Variants in GNAQ observed in about 807,000 individuals in gnomAD.
GNAQ encodes G protein subunit alpha q.
Under a neutral mutation model 43.9 loss-of-function variants are expected in GNAQ, and 8 were observed. The observed-to-expected ratio is 0.18, with a 90% CI of 0.11 to 0.33. GNAQ has a LOEUF of 0.33. Ranked by LOEUF, GNAQ falls within the 10% of genes least tolerant of loss-of-function variation. GNAQ has a pLI of 1.00. For missense variants in GNAQ, 158 were observed against 450.8 expected (o/e 0.35, Z 5.88); for synonymous variants, 155 against 170.7 (o/e 0.91, Z 0.71).
intron 1 of GNAQ, among the ~76,000 whole-genome samples, chr9:77,925,737 T>G (rs951969073): frequency 3.3e-5 from 5 of 152,160 alleles, no homozygotes; most frequent in Admixed American, 3.3e-4. Flanking sequence ...AGTAGGAAAT[T>G]AAGGTATTAT....
intron 5 of GNAQ, among the ~76,000 whole-genome samples, chr9:77,772,859 T>G (rs1187584292): frequency 2.0e-5 from 3 of 152,176 alleles, no homozygotes; most frequent in Non-Finnish European, 2.9e-5. Flanking sequence ...GAAGGAACTG[T>G]CTTGGGCCAC....
chr9:77,982,949 A>G (rs764089799), intron 1 of GNAQ, among the ~76,000 whole-genome samples: 1 of 152,216 alleles, frequency 6.6e-6, no homozygotes, highest in African/African-American at 2.4e-5. Context: ...AAGTATAATA[A>G]TAAAAAAATA....
chr9:77,922,458 G>T, intron 1 of GNAQ, 113 bp from the exon 2 acceptor site: 5 of 691,646 alleles, frequency 7.2e-6, no homozygotes, highest in Non-Finnish European at 1.2e-5. Flanking sequence ...CTGCTGAGAG[G>T]AGCGACTCTA....
intron 1 of GNAQ, among the ~76,000 whole-genome samples, chr9:77,950,572 A>T (rs754923940): frequency 6.6e-6 from 1 of 152,246 alleles, no homozygotes. Context: ...ATAAACAAGC[A>T]AATGTTTACA....
intron 2 of GNAQ, among the ~76,000 whole-genome samples, chr9:77,885,157 A>G (rs1828282103): frequency 6.6e-6 from 1 of 152,182 alleles, no homozygotes; most frequent in Non-Finnish European, 1.5e-5. Context: ...AACCAGAGGT[A>G]AGGGCAATGA....
rs549993036 is a variant in GNAQ at position 77,833,987 on chromosome 9, G to C, written c.322-18217C>G. 1.4e-4 allele frequency among the ~76,000 whole-genome samples: 22 copies of C among 152,062 alleles called. 1 individual carries two copies. In the South Asian group the frequency reaches 4.4e-3, roughly 30 times the overall value. On this transcript the variant is annotated intron_variant, in intron 2 of 6. Transcript: ENST00000286548. ...AAAATGGTGGGTTTTTTTTAACATA[G>C]AGAAAAAATGTTTTAAATATGTAAT...
intron 2 of GNAQ, among the ~76,000 whole-genome samples, chr9:77,838,882 G>A (rs1178693242): frequency 6.6e-6 from 1 of 151,952 alleles, no homozygotes; most frequent in African/African-American, 2.4e-5. Context: ...CAATTCTGAA[G>A]AGAAGATGAT....
At chr9:78,002,644 C>T (rs1024594284) in intron 1 of GNAQ, among the ~76,000 whole-genome samples, 1 of 152,170 alleles carries the variant, frequency 6.6e-6, no homozygotes, top group Non-Finnish European at 1.5e-5. Flanking sequence ...ACAATCTTAC[C>T]CGCAGGTAAA....
intron 4 of GNAQ, among the ~76,000 whole-genome samples, chr9:77,795,545 G>A (rs1826643848): frequency 6.6e-6 from 1 of 152,148 alleles, no homozygotes; most frequent in African/African-American, 2.4e-5. Context: ...TGCTCCTGGT[G>A]TTTTCCTGCC....
intron 2 of GNAQ, among the ~76,000 whole-genome samples, chr9:77,898,345 T>A (rs184738516): frequency 1.3e-3 from 196 of 152,350 alleles, no homozygotes; most frequent in African/African-American, 4.5e-3. Context: ...ATAAATATCA[T>A]CTTTAGTTAA....
chr9:77,727,458 A>T (rs992263114), intron 6 of GNAQ, among the ~76,000 whole-genome samples: 4 of 152,208 alleles, frequency 2.6e-5, no homozygotes, highest in African/African-American at 7.2e-5. Flanking sequence ...AGGATTTCAC[A>T]GTCTAGTTGG....
chr9:77,980,253 GC>G (rs1303687049), intron 1 of GNAQ, among the ~76,000 whole-genome samples: 2 of 152,196 alleles, frequency 1.3e-5, no homozygotes, highest in Admixed American at 6.5e-5. Flanking sequence ...AAAAAGCATA[GC>G]CCCTGGTGCT....
In GNAQ at chr9:77,976,220, T is replaced by C. The variant is rs575681214; in HGVS notation, c.137-53875A>G. 1.6e-3 allele frequency among the ~76,000 whole-genome samples: 242 copies of C among 152,308 alleles called. 1 individual carries two copies. The highest frequency in any genetic ancestry group is 5.2e-3 in the African/African-American group (216 of 41,564). The stretch of plus-strand genomic sequence containing the variant: ...ATCTTTAAATGCTTTTAGAAAAAGG[T>C]AGAACACAAAGTAAAGTGCCCAGTA... On this transcript the variant is annotated intron_variant, in intron 1 of 6. Transcript: ENST00000286548.
intron 2 of GNAQ, among the ~76,000 whole-genome samples, chr9:77,873,392 A>G (rs1450958136): frequency 6.6e-6 from 1 of 152,190 alleles, no homozygotes; most frequent in Non-Finnish European, 1.5e-5. Context: ...AAAAATGCCT[A>G]TTTGTTTTAT....
intron 1 of GNAQ, among the ~76,000 whole-genome samples, chr9:78,021,293 T>C (rs1244198006): frequency 1.3e-5 from 2 of 152,170 alleles, no homozygotes; most frequent in African/African-American, 4.8e-5. Flanking sequence ...CCCAAAGTGC[T>C]GGGATTACAC....
chr9:77,746,478 T>C (rs953755532), intron 5 of GNAQ, among the ~76,000 whole-genome samples: 3 of 152,260 alleles, frequency 2.0e-5, no homozygotes, highest in South Asian at 4.1e-4. Context: ...TATTATCTTA[T>C]ATGTTGACCG....
chr9:77,867,536 A>G (rs907081790), intron 2 of GNAQ, among the ~76,000 whole-genome samples: 1 of 152,202 alleles, frequency 6.6e-6, no homozygotes, highest in Non-Finnish European at 1.5e-5. Flanking sequence ...TTGCAGTCAA[A>G]TCATAATTTA....
intron 3 of GNAQ, among the ~76,000 whole-genome samples, chr9:77,805,815 G>A (rs1826821294): frequency 6.6e-6 from 1 of 152,086 alleles, no homozygotes; most frequent in Admixed American, 6.6e-5. Context: ...CTATTCTGGA[G>A]GATAAAAGAG....
intron 2 of GNAQ, among the ~76,000 whole-genome samples, chr9:77,836,663 C>T (rs577539676): frequency 1.3e-5 from 2 of 152,034 alleles, no homozygotes; most frequent in Admixed American, 6.6e-5. Flanking sequence ...AACAAAACCA[C>T]AAGATGTTTA....
Sources: allele counts gnomAD v4.1 joint callset (sites outside exome capture counted in the v4.1 genomes callset), GRCh38; gene constraint gnomAD v4.1.1; transcripts MANE v1.5; gene names NCBI Gene and HGNC (gene_info 2026-07-23, HGNC 2026-07-21).